Variants in GAS7 observed in about 807,000 individuals in gnomAD.
GAS7 encodes growth arrest-specific protein 7.
In GAS7, 28 loss-of-function variants were observed where a neutral mutation model predicts 71.1. The observed-to-expected ratio is 0.39, with a 90% confidence interval of 0.29 to 0.54. GAS7 has a LOEUF of 0.54. Among genes scored for constraint, GAS7 ranks in the 20% least tolerant of loss-of-function variants. The pLI is 0.62. For missense variants in GAS7, 436 were observed against 627.8 expected (o/e 0.69, Z 3.27); for synonymous variants, 258 against 245.8 (o/e 1.05, Z -0.46).
chr17:9,978,582 G>A, intron 3 of GAS7, among the ~76,000 whole-genome samples: 1 of 152,026 alleles, frequency 6.6e-6, no homozygotes, highest in African/African-American at 2.4e-5. Flanking sequence ...AGAGGCTGAG[G>A]CAGGAGGACT....
At chr17:9,944,507 T>C (rs1201463696) in intron 6 of GAS7, among the ~76,000 whole-genome samples, 1 of 152,066 alleles carries the variant, frequency 6.6e-6, no homozygotes, top group African/African-American at 2.4e-5. Flanking sequence ...CCCATCCAGA[T>C]CAGACATTTT....
chr17:10,144,167 A>T (rs1345395482), intron 1 of GAS7, among the ~76,000 whole-genome samples: 1 of 152,182 alleles, frequency 6.6e-6, no homozygotes, highest in African/African-American at 2.4e-5. Context: ...GGTACAGAGA[A>T]GGCTAGTGAC....
At position 9,916,561 on chromosome 17, in the gene GAS7, C is replaced by T. The variant is rs956090054; in HGVS notation, c.*667G>A. ...CCTGATCTCATGGGACACGATTCAG[C>T]GCTCAATTTGGGGCTAATTTGCCGA... On this transcript the variant is annotated 3_prime_UTR_variant, in exon 14 of 14. Coordinates refer to ENST00000432992, the MANE Select transcript of GAS7 (RefSeq NM_201433.2). 2 of 244,550 alleles carry T rather than the reference C, an allele frequency of 8.2e-6. No individual in the cohort carries two copies. The highest frequency in any genetic ancestry group is 2.2e-5 in the African/African-American group (1 of 45,812). 15.1% of individuals were successfully genotyped at this position (244,550 alleles called of 1,614,324 possible).
chr17:9,995,657 C>T (rs1287585587), intron 2 of GAS7, among the ~76,000 whole-genome samples: 1 of 152,090 alleles, frequency 6.6e-6, no homozygotes, highest in Non-Finnish European at 1.5e-5. Flanking sequence ...ACTGATAACC[C>T]CTATCTAACC....
At chr17:10,024,602 T>A (rs2072396407) in intron 1 of GAS7, among the ~76,000 whole-genome samples, 1 of 152,124 alleles carries the variant, frequency 6.6e-6, no homozygotes, top group South Asian at 2.1e-4. Flanking sequence ...GTGGGAATAA[T>A]AAAACGCGGC....
In GAS7 at chr17:9,972,816, T is replaced by G. The variant is rs79815000; in HGVS notation, c.386-3054A>C. ...TTAGAAATGTAAGAAACTGCCCTCT[T>G]AAATAATGCCAGATCAAAAAGGAAT... On this transcript the variant is annotated intron_variant, in intron 3 of 13. Coordinates refer to ENST00000432992, the MANE Select transcript of GAS7 (RefSeq NM_201433.2). Among the ~76,000 whole-genome samples the G allele has an allele frequency of 1.6e-3, 240 of 152,290 alleles. 2 individuals carry two copies. Among genetic ancestry groups the G allele is most frequent in the African/African-American group, 5.2e-3 (215 of 41,564 alleles).
intron 2 of GAS7, among the ~76,000 whole-genome samples, chr17:9,989,117 G>A (rs1686361949): frequency 6.6e-6 from 1 of 152,022 alleles, no homozygotes; most frequent in African/African-American, 2.4e-5. Flanking sequence ...CCAAAGTGCT[G>A]GGACTACGCG....
At chr17:9,965,563 G>C (rs1184734166) in intron 4 of GAS7, among the ~76,000 whole-genome samples, 1 of 152,170 alleles carries the variant, frequency 6.6e-6, no homozygotes, top group Non-Finnish European at 1.5e-5. Flanking sequence ...CCTACTGCAC[G>C]CAGGGCTTAA....
chr17:9,949,309 G>A (rs933989202), intron 5 of GAS7, among the ~76,000 whole-genome samples: 3 of 152,176 alleles, frequency 2.0e-5, no homozygotes, highest in South Asian at 2.1e-4. Context: ...GTGATGACTC[G>A]AGGGAAGCTG....
At chr17:10,148,490 T>C (rs981671159) in intron 1 of GAS7, among the ~76,000 whole-genome samples, 3 of 149,286 alleles carry the variant, frequency 2.0e-5, no homozygotes, top group Non-Finnish European at 4.4e-5. Flanking sequence ...TGGTGGTGCA[T>C]GCCTGTAGTC....
rs114886693 is a variant in GAS7 at position 10,159,705 on chromosome 17, T to C, written c.183+38503A>G. On this transcript the variant is annotated intron_variant, in intron 1 of 13. Transcript: ENST00000432992. The stretch of plus-strand genomic sequence containing the variant: ...GAAGGTTTCTTAGGTCCTGGGTAAG[T>C]TCCGTGTCTGACGTAGATGCTCATT... 5.5e-3 allele frequency among the ~76,000 whole-genome samples: 843 copies of C among 152,214 alleles called. 11 individuals carry two copies. Among genetic ancestry groups the C allele is most frequent in the African/African-American group, 0.019 (788 of 41,504 alleles).
chr17:10,079,171 C>G lies in GAS7; in HGVS notation c.184-59274G>C, dbSNP rs541260593. On this transcript the variant is annotated intron_variant, in intron 1 of 13. Coordinates refer to ENST00000432992, the MANE Select transcript of GAS7 (RefSeq NM_201433.2). ...ACAAAAACCCCAAATGGAGATAAAGCCCCATTGTTACAAGTGGTGGACTCT... is the reference window on the plus strand; with the variant it reads ...ACAAAAACCCCAAATGGAGATAAAGGCCCATTGTTACAAGTGGTGGACTCT... Among the ~76,000 whole-genome samples the G allele has an allele frequency of 8.5e-5, 13 of 152,246 alleles. No individual in the cohort carries two copies. The South Asian group carries it at 2.7e-3, about 32-fold the overall frequency.
chr17:9,972,624 G>T (rs1250120702), intron 3 of GAS7, among the ~76,000 whole-genome samples: 1 of 119,522 alleles, frequency 8.4e-6, no homozygotes, highest in Non-Finnish European at 1.9e-5. Flanking sequence ...GGAAGCCCTG[G>T]AACATGTAAA....
At chr17:10,075,057 A>T (rs1418907627) in intron 1 of GAS7, among the ~76,000 whole-genome samples, 1 of 152,168 alleles carries the variant, frequency 6.6e-6, no homozygotes, top group Non-Finnish European at 1.5e-5. Context: ...CTGATAAATT[A>T]TAACTATTGA....
intron 2 of GAS7, among the ~76,000 whole-genome samples, chr17:9,999,016 C>T (rs1340059617): frequency 1.3e-5 from 2 of 152,194 alleles, no homozygotes; most frequent in African/African-American, 4.8e-5. Context: ...TTTTAACAGG[C>T]TCCAAGCAGT....
intron 1 of GAS7, among the ~76,000 whole-genome samples, chr17:10,114,178 T>C (rs1034924860): frequency 2.6e-5 from 4 of 152,100 alleles, no homozygotes; most frequent in African/African-American, 7.2e-5. Flanking sequence ...TCCTCCTGCC[T>C]CAGCCTCTTA....
chr17:10,195,890 CT>C (rs113918016), intron 1 of GAS7, among the ~76,000 whole-genome samples: 147 of 152,306 alleles, frequency 9.7e-4, no homozygotes, highest in African/African-American at 3.4e-3. Context: ...ACATGCCCCC[CT>C]GTTGAAACTG....
At chr17:10,116,930 C>A (rs555314727) in intron 1 of GAS7, among the ~76,000 whole-genome samples, 1 of 152,156 alleles carries the variant, frequency 6.6e-6, no homozygotes, top group African/African-American at 2.4e-5. Flanking sequence ...GTGGACCTGC[C>A]AGAGTGAGTG....
At chr17:9,922,547 G>A (rs1319712486) in intron 11 of GAS7, among the ~76,000 whole-genome samples, 2 of 152,266 alleles carry the variant, frequency 1.3e-5, no homozygotes, top group African/African-American at 2.4e-5. Flanking sequence ...GCCACAGCGA[G>A]TGCTCAGAAG....
Sources: gnomAD v4.1 joint callset for allele counts (sites outside exome capture counted in the v4.1 genomes callset) on GRCh38, gnomAD v4.1.1 for gene constraint, MANE v1.5 for transcripts, NCBI Gene and HGNC (gene_info 2026-07-23, HGNC 2026-07-21) for gene names.